Variants in DENND2B observed in about 807,000 individuals in gnomAD.
DENND2B encodes the protein DENN domain containing 2B.
DENND2B carries 32 observed loss-of-function variants against 116.0 expected under a neutral mutation model. That is an observed-to-expected ratio of 0.28 (90% CI 0.21 to 0.37). DENND2B has a LOEUF of 0.37. DENND2B is among the 10% of genes least tolerant of loss of function. The pLI is 1.00. For missense variants in DENND2B, 1,276 were observed against 1,477.7 expected (o/e 0.86, Z 2.24); for synonymous variants, 588 against 583.9 (o/e 1.01, Z -0.10).
At chr11:8,906,509 C>CAAAAA (rs34773959) in intron 1 of DENND2B, among the ~76,000 whole-genome samples, 1 of 124,380 alleles carries the variant, frequency 8.0e-6, no homozygotes, top group African/African-American at 3.2e-5. Context: ...AAGAAGTCTT[C>CAAAAA]AAAAAAAAAA....
At chr11:8,865,107 CA>C (rs1232233230) in intron 2 of DENND2B, among the ~76,000 whole-genome samples, 1 of 124,896 alleles carries the variant, frequency 8.0e-6, no homozygotes, top group Non-Finnish European at 1.8e-5. Context: ...AAGGGTTAAG[CA>C]GATTATTTCT....
chr11:8,788,816 G>C (rs1487127706), intron 1 of DENND2B, among the ~76,000 whole-genome samples: 1 of 152,148 alleles, frequency 6.6e-6, no homozygotes, highest in Non-Finnish European at 1.5e-5. Context: ...TCTATCTTTT[G>C]ACCATTCACT....
At chr11:8,799,342 A>C (rs774381642) in intron 1 of DENND2B, among the ~76,000 whole-genome samples, 1 of 152,252 alleles carries the variant, frequency 6.6e-6, no homozygotes, top group Middle Eastern at 3.4e-3. Flanking sequence ...TTATGTTTCA[A>C]CCCAAAGGGA....
intron 2 of DENND2B, among the ~76,000 whole-genome samples, chr11:8,863,883 A>C (rs1055682488): frequency 6.6e-6 from 1 of 152,140 alleles, no homozygotes; most frequent in African/African-American, 2.4e-5. Flanking sequence ...ACTTGGACCC[A>C]GTAGAAGAAG....
At chr11:8,891,197 T>A (rs187591029) in intron 1 of DENND2B, among the ~76,000 whole-genome samples, 72 of 152,244 alleles carry the variant, frequency 4.7e-4, no homozygotes, top group Admixed American at 1.8e-3. Flanking sequence ...TGCTAAGACA[T>A]TTTGTCACCA....
At chr11:8,751,412 C>A (rs1193360850) in intron 1 of DENND2B, among the ~76,000 whole-genome samples, 4 of 152,122 alleles carry the variant, frequency 2.6e-5, no homozygotes, top group African/African-American at 9.7e-5. Context: ...CAGTGGCAAC[C>A]CACTCGGGTC....
chr11:8,741,194 T>C (rs546614573), intron 2 of DENND2B, among the ~76,000 whole-genome samples: 169 of 152,228 alleles, frequency 1.1e-3, no homozygotes, highest in African/African-American at 3.9e-3. Flanking sequence ...ACGTGAAAGG[T>C]AGTGAGAGTC....
At position 8,877,197 on chromosome 11, in the gene DENND2B, G is replaced by A. The variant is rs530693486; in HGVS notation, c.-156+3813C>T. Among the ~76,000 whole-genome samples the A allele has an allele frequency of 8.8e-5, 12 of 136,182 alleles. No individual in the cohort carries two copies. The East Asian group carries it at 1.8e-3, about 21-fold the overall frequency. 89.3% of individuals were successfully genotyped at this position (136,182 alleles called of 152,430 possible). A position where few individuals can be genotyped will look rare whatever the true frequency, so the allele number is the denominator to read the frequency against. On this transcript the variant is annotated intron_variant, in intron 2 of 22. Coordinates refer to the DENND2B transcript ENST00000534127. ...CGGCTCACTGCAAGCTCCACCTCCCGGGTTCATGCCATTCTCCTGCCTTAG... is the reference window on the plus strand; with the variant it reads ...CGGCTCACTGCAAGCTCCACCTCCCAGGTTCATGCCATTCTCCTGCCTTAG...
intron 4 of DENND2B, chr11:8,719,116 G>C (rs1345885492): frequency 1.0e-6 from 1 of 985,450 alleles, no homozygotes; most frequent in Non-Finnish European, 1.2e-6. Context: ...GAGGAACTCA[G>C]ACCCCACTCC....
chr11:8,888,329 G>A (rs760673344), intron 1 of DENND2B, among the ~76,000 whole-genome samples: 1 of 152,166 alleles, frequency 6.6e-6, no homozygotes, highest in African/African-American at 2.4e-5. Context: ...TCTGCTGATT[G>A]CTGCTTCTGA....
chr11:8,754,399 A>T (rs1350463986), intron 1 of DENND2B, among the ~76,000 whole-genome samples: 3 of 152,206 alleles, frequency 2.0e-5, no homozygotes, highest in African/African-American at 7.2e-5. Flanking sequence ...GGATTTCTAT[A>T]ACAAAAAAAG....
At chr11:8,833,813 C>A (rs1566031485) in intron 4 of DENND2B, among the ~76,000 whole-genome samples, 1 of 152,142 alleles carries the variant, frequency 6.6e-6, no homozygotes, top group Non-Finnish European at 1.5e-5. Flanking sequence ...TGTCTCCCAG[C>A]CCCTAGGATT....
chr11:8,714,088 A>G, intron 7 of DENND2B, 46 bp from the exon 8 acceptor site: 2 of 1,602,684 alleles, frequency 1.2e-6, no homozygotes, highest in Non-Finnish European at 1.7e-6. Flanking sequence ...CCTCACAGCC[A>G]ATGTTTTTTG....
chr11:8,713,319 C>CTCT (rs2044109955), intron 8 of DENND2B, among the ~76,000 whole-genome samples: 1 of 152,132 alleles, frequency 6.6e-6, no homozygotes, highest in Non-Finnish European at 1.5e-5. Context: ...CCTCAGTCTA[C>CTCT]GGCACATTTC....
intron 1 of DENND2B, among the ~76,000 whole-genome samples, chr11:8,795,991 A>T (rs1297573762): frequency 6.6e-6 from 1 of 152,228 alleles, no homozygotes; most frequent in African/African-American, 2.4e-5. Context: ...CAGACTGGGA[A>T]GGGGAGACAG....
chr11:8,739,300 G>A (rs941339497), intron 2 of DENND2B, among the ~76,000 whole-genome samples: 5 of 152,060 alleles, frequency 3.3e-5, no homozygotes, highest in Admixed American at 6.5e-5. Context: ...CACTAGGCAC[G>A]AAAGCTACAC....
chr11:8,788,498 T>A (rs183087936), intron 1 of DENND2B, among the ~76,000 whole-genome samples: 1 of 152,194 alleles, frequency 6.6e-6, no homozygotes, highest in African/African-American at 2.4e-5. Context: ...CTGGCTAAGC[T>A]TTCAACCGAT....
chr11:8,709,619 C>T lies in DENND2B; in HGVS notation c.2352+1226G>A, dbSNP rs573533514. On this transcript the variant is annotated intron_variant, in intron 11 of 19. Coordinates refer to ENST00000313726, the MANE Select transcript of DENND2B (RefSeq NM_213618.2). ...TGGGCATTCTACCTCCCCACGCCCCCTCTCCCCAGTCCATCCTCTGGGGGT... is the reference window on the plus strand; with the variant it reads ...TGGGCATTCTACCTCCCCACGCCCCTTCTCCCCAGTCCATCCTCTGGGGGT... 2.6e-5 allele frequency among the ~76,000 whole-genome samples: 4 copies of T among 152,320 alleles called. No homozygotes were observed. The East Asian group carries it at 5.8e-4, about 22-fold the overall frequency.
At chr11:8,743,526 G>T (rs987511156) in intron 2 of DENND2B, among the ~76,000 whole-genome samples, 1 of 152,044 alleles carries the variant, frequency 6.6e-6, no homozygotes, top group Non-Finnish European at 1.5e-5. Flanking sequence ...CTCCAGCCTG[G>T]GTGACAGAGT....
Sources: gnomAD v4.1 joint callset for allele counts (sites outside exome capture counted in the v4.1 genomes callset) on GRCh38, gnomAD v4.1.1 for gene constraint, MANE v1.5 for transcripts, NCBI Gene and HGNC (gene_info 2026-07-23, HGNC 2026-07-21) for gene names.